The following NTRK2 variants were observed in gnomAD, a reference collection of about 807,000 sequenced individuals.
The protein encoded by NTRK2 is BDNF/NT-3 growth factors receptor.
Under a neutral mutation model 94.5 loss-of-function variants are expected in NTRK2, and 13 were observed. That is an observed-to-expected ratio of 0.14 (90% CI 0.09 to 0.22). The LOEUF is 0.22. NTRK2 is among the 10% of genes least tolerant of loss of function. The pLI is 1.00. For missense variants in NTRK2, 639 were observed against 1,071.2 expected (o/e 0.60, Z 5.63); for synonymous variants, 372 against 407.4 (o/e 0.91, Z 1.05).
intron 14 of NTRK2, chr9:84,877,846 G>C: frequency 1.9e-6 from 2 of 1,040,512 alleles, no homozygotes; most frequent in Non-Finnish European, 2.3e-6. Context: ...TTGTGATGTA[G>C]TTGATCATTC....
intron 12 of NTRK2, chr9:84,810,937 T>A (rs1467643834): frequency 8.6e-7 from 1 of 1,156,946 alleles, no homozygotes; most frequent in Non-Finnish European, 1.1e-6. Context: ...TACTGGACAT[T>A]TATTGACTTA....
chr9:84,916,442 TG>T (rs1315984613), intron 14 of NTRK2, among the ~76,000 whole-genome samples: 1 of 152,208 alleles, frequency 6.6e-6, no homozygotes, highest in African/African-American at 2.4e-5. Flanking sequence ...TAGTTGATCA[TG>T]GTACTGTTTC....
intron 5 of NTRK2, 111 bp downstream of exon 5, chr9:84,708,023 C>T (rs2061212864): frequency 1.2e-6 from 1 of 837,882 alleles, no homozygotes; most frequent in South Asian, 1.5e-5. Context: ...ACCAAATTCT[C>T]AAAAAATGAT....
intron 14 of NTRK2, among the ~76,000 whole-genome samples, chr9:84,904,342 G>A (rs1048494399): frequency 6.6e-6 from 1 of 152,108 alleles, no homozygotes; most frequent in Non-Finnish European, 1.5e-5. Context: ...TTCACAGCAA[G>A]GCAACCATTT....
rs200602672 is a variant in NTRK2 at position 84,875,673 on chromosome 9, T to C, written c.1633+8242T>C. 218 of 1,054,898 alleles carry C rather than the reference T, an allele frequency of 2.1e-4. 1 individual carries two copies. The Middle Eastern group carries it at 6.0e-3, about 29-fold the overall frequency. 65.3% of individuals were successfully genotyped at this position (1,054,898 alleles called of 1,614,324 possible). On this transcript the variant is annotated intron_variant, in intron 14 of 18. Coordinates refer to ENST00000277120, the MANE Select transcript of NTRK2 (RefSeq NM_006180.6). Reference sequence around the variant, plus strand: ...GATACCTTGGCTGTGCAAGGACCTCTGATAGCTGGAGTCTCCTTTTGGTCA... The same window carrying C: ...GATACCTTGGCTGTGCAAGGACCTCCGATAGCTGGAGTCTCCTTTTGGTCA...
chr9:84,843,359 T>G (rs1476643862), intron 12 of NTRK2, among the ~76,000 whole-genome samples: 1 of 152,132 alleles, frequency 6.6e-6, no homozygotes, highest in African/African-American at 2.4e-5. Context: ...TTCTCTCAGT[T>G]CCCAGGAAGT....
intron 12 of NTRK2, among the ~76,000 whole-genome samples, chr9:84,816,396 G>A (rs1397249870): frequency 6.6e-6 from 1 of 152,016 alleles, no homozygotes; most frequent in Non-Finnish European, 1.5e-5. Context: ...CACCCAAAGG[G>A]TTTTGCTCTA....
At chr9:84,869,042 C>T (rs1043001297) in intron 14 of NTRK2, among the ~76,000 whole-genome samples, 6 of 152,082 alleles carry the variant, frequency 3.9e-5, no homozygotes, top group Admixed American at 1.3e-4. Flanking sequence ...TAAGAGAAAT[C>T]GAACAAACGA....
chr9:84,676,229 A>C (rs73482708), intron 2 of NTRK2, among the ~76,000 whole-genome samples: 190 of 152,262 alleles, frequency 1.2e-3, no homozygotes, highest in African/African-American at 4.5e-3. Flanking sequence ...AAGTTTCTCA[A>C]GGCTCTGAAG....
intron 15 of NTRK2, among the ~76,000 whole-genome samples, chr9:84,943,974 G>A (rs2078501109): frequency 6.6e-6 from 1 of 152,002 alleles, no homozygotes; most frequent in African/African-American, 2.4e-5. Flanking sequence ...GACCCAACAT[G>A]CAAAAATGGA....
chr9:84,682,813 C>T (rs532626404), intron 2 of NTRK2, among the ~76,000 whole-genome samples: 26 of 152,174 alleles, frequency 1.7e-4, no homozygotes, highest in Non-Finnish European at 3.1e-4. Context: ...TTTCACTTGA[C>T]GATGTATCTT....
intron 6 of NTRK2, among the ~76,000 whole-genome samples, chr9:84,719,298 G>T (rs993476764): frequency 6.6e-6 from 1 of 152,006 alleles, no homozygotes. Flanking sequence ...CTTCAAGATT[G>T]GTTCTAAGGA....
At position 85,004,619 on chromosome 9, in the gene NTRK2, A is replaced by G. The variant is rs543239617; in HGVS notation, c.2173-15587A>G. On this transcript the variant is annotated intron_variant, in intron 17 of 18. Coordinates refer to ENST00000277120, the MANE Select transcript of NTRK2 (RefSeq NM_006180.6). ...GGAGGGAATTCGCAGAAACATAATC[A>G]TAGGAGTTGACTAAGGGATTTAGAG... Among the ~76,000 whole-genome samples, 208 of 152,306 alleles carry G rather than the reference A, an allele frequency of 1.4e-3. 1 individual carries two copies. Among genetic ancestry groups the G allele is most frequent in the Non-Finnish European group, 3.2e-4 (22 of 68,024 alleles).
intron 14 of NTRK2, among the ~76,000 whole-genome samples, chr9:84,900,383 T>C (rs1057450633): frequency 6.6e-6 from 1 of 152,204 alleles, no homozygotes; most frequent in African/African-American, 2.4e-5. Flanking sequence ...CTAAGCTTCC[T>C]GAGGCTCAGA....
At position 84,882,786 on chromosome 9, in the gene NTRK2, G is replaced by A. The variant is rs367697207; in HGVS notation, c.1633+15355G>A. Among the ~76,000 whole-genome samples the A allele has an allele frequency of 9.5e-4, 145 of 151,928 alleles. 1 individual carries two copies. Among genetic ancestry groups the A allele is most frequent in the African/African-American group, 3.4e-3 (139 of 41,400 alleles). On this transcript the variant is annotated intron_variant, in intron 14 of 18. Transcript: ENST00000277120. ...CTTTCTTTTATTTATTTATTTTTCC[G>A]AGTCGGAGTTTTCGCTCTTGTCGCC...
chr9:84,839,747 G>C (rs1587613657), intron 12 of NTRK2, among the ~76,000 whole-genome samples: 1 of 152,184 alleles, frequency 6.6e-6, no homozygotes, highest in Non-Finnish European at 1.5e-5. Flanking sequence ...TTTGCTGCCC[G>C]GGAGCTATGC....
chr9:84,870,364 T>TATATATATATATAA lies in NTRK2; in HGVS notation c.1633+2934_1633+2935insTATATATATATAAA, dbSNP rs1470777504. ...ATATATATATATATATATATATATA[T>TATATATATATATAA]AAAACTCTGTCACCCAGGCTGGAGT... On this transcript the variant is annotated intron_variant, in intron 14 of 18. Transcript: ENST00000277120. 4.9e-4 allele frequency among the ~76,000 whole-genome samples: 64 copies of TATATATATATATAA among 131,654 alleles called. 2 individuals are homozygous for TATATATATATATAA. Among genetic ancestry groups the TATATATATATATAA allele is most frequent in the East Asian group, 3.5e-3 (14 of 4,028 alleles). 86.4% of individuals were successfully genotyped at this position (131,654 alleles called of 152,430 possible).
chr9:84,825,453 T>C (rs1175755144), intron 12 of NTRK2, among the ~76,000 whole-genome samples: 2 of 152,154 alleles, frequency 1.3e-5, no homozygotes, highest in Non-Finnish European at 2.9e-5. Context: ...AGCTGCCTAC[T>C]CCACTTGGTT....
chr9:84,703,426 T>G (rs896054135), intron 4 of NTRK2, among the ~76,000 whole-genome samples: 8 of 152,100 alleles, frequency 5.3e-5, no homozygotes, highest in African/African-American at 1.9e-4. Flanking sequence ...AGTAGCAGAG[T>G]TATGACTCCA....
Sources: allele counts gnomAD v4.1 joint callset (sites outside exome capture counted in the v4.1 genomes callset), GRCh38; gene constraint gnomAD v4.1.1; transcripts MANE v1.5; gene names NCBI Gene and HGNC (gene_info 2026-07-23, HGNC 2026-07-21).